TMEM131L: variants seen among roughly 807,000 people sequenced by gnomAD.
The protein encoded by TMEM131L is transmembrane 131 like.
A neutral mutation model predicts 192.2 loss-of-function variants in TMEM131L; 54 were observed. The observed-to-expected ratio is 0.28, with a 90% confidence interval of 0.23 to 0.35. The LOEUF (loss-of-function observed/expected upper bound fraction) is 0.35. TMEM131L is among the 10% of genes least tolerant of loss of function. The pLI is 1.00. For missense variants in TMEM131L, 1,888 were observed against 1,972.9 expected (o/e 0.96, Z 0.82); for synonymous variants, 701 against 704.9 (o/e 0.99, Z 0.09).
chr4:153,518,637 C>G (rs1226191957), intron 3 of TMEM131L, among the ~76,000 whole-genome samples: 1 of 152,146 alleles, frequency 6.6e-6, no homozygotes, highest in African/African-American at 2.4e-5. Context: ...ATGGGAACAT[C>G]AGGCCAATTA....
chr4:153,604,116 A>G lies in TMEM131L; in HGVS notation c.3104A>G (p.Tyr1035Cys), dbSNP rs760356769. The G allele has an allele frequency of 6.2e-7, 1 of 1,614,222 alleles. No individual in the cohort carries two copies. The highest frequency in any genetic ancestry group is 8.5e-7 in the Non-Finnish European group (1 of 1,180,038). Reference sequence around the variant, plus strand: ...CGTGAGAACTGGATCAGCCTCAGATATGCAAGTGGCATAAATGTCAACCTG... The same window carrying G: ...CGTGAGAACTGGATCAGCCTCAGATGTGCAAGTGGCATAAATGTCAACCTG... ...AMRENWISLRYASGINVNLQK... is the reference protein window; with the variant it reads ...AMRENWISLRCASGINVNLQK... The change falls in exon 25 of 35, where the codon TAT becomes TGT. Residue 1035 changes from tyrosine (Y) to cysteine (C), a missense_variant. Tyr to Cys is a radical substitution (Grantham distance 194). Transcript: ENST00000409959.
chr4:153,488,583 G>A (rs1044757077), intron 3 of TMEM131L, among the ~76,000 whole-genome samples: 1 of 152,250 alleles, frequency 6.6e-6, no homozygotes. Flanking sequence ...GATTCCCTGC[G>A]GCTCTGTTGT....
At chr4:153,549,320 A>G (rs1291206713) in intron 3 of TMEM131L, among the ~76,000 whole-genome samples, 1 of 152,186 alleles carries the variant, frequency 6.6e-6, no homozygotes, top group Non-Finnish European at 1.5e-5. Flanking sequence ...AGTTGTTCGT[A>G]TTACCTTTAG....
At chr4:153,562,205 T>C (rs1325277687) in intron 7 of TMEM131L, among the ~76,000 whole-genome samples, 1 of 151,934 alleles carries the variant, frequency 6.6e-6, no homozygotes, top group Non-Finnish European at 1.5e-5. Flanking sequence ...GCCCAGCTAA[T>C]TTTTGTATTT....
rs191332489 is a variant in TMEM131L, at chr4:153,597,955, A to T, written c.2124-635A>T. Among the ~76,000 whole-genome samples the T allele has an allele frequency of 5.1e-4, 78 of 151,942 alleles. 1 individual carries two copies. The highest frequency in any genetic ancestry group is 7.5e-4 in the Non-Finnish European group (51 of 67,950). The stretch of plus-strand genomic sequence containing the variant: ...CTCCTAGGTAAATAAATAAAAATTT[A>T]AAAAAAAATAATTTCCACCTTTTTG... On this transcript the variant is annotated intron_variant, in intron 20 of 34. Transcript: ENST00000409959.
chr4:153,474,990 A>AT (rs561410312), intron 3 of TMEM131L, among the ~76,000 whole-genome samples: 4,984 of 152,056 alleles, frequency 0.033, 280 homozygotes, highest in African/African-American at 0.11. Flanking sequence ...ACGCTTCCAG[A>AT]CCCCCAGGGT....
intron 29 of TMEM131L, among the ~76,000 whole-genome samples, chr4:153,625,557 T>C (rs184977711): frequency 2.0e-5 from 3 of 152,198 alleles, no homozygotes; most frequent in Non-Finnish European, 4.4e-5. Flanking sequence ...AGTAGGGAAA[T>C]GTCCCCAGTG....
At chr4:153,469,067 T>C (rs2149705128) in intron 2 of TMEM131L, among the ~76,000 whole-genome samples, 1 of 152,320 alleles carries the variant, frequency 6.6e-6, no homozygotes, top group Non-Finnish European at 1.5e-5. Flanking sequence ...TCAAAAGTTA[T>C]TTTATACAAT....
intron 3 of TMEM131L, among the ~76,000 whole-genome samples, chr4:153,531,028 A>G (rs536326240): frequency 9.2e-5 from 14 of 152,220 alleles, no homozygotes; most frequent in Non-Finnish European, 1.6e-4. Flanking sequence ...AGGCTGAAGA[A>G]TTTTATAATG....
intron 3 of TMEM131L, among the ~76,000 whole-genome samples, chr4:153,514,343 C>T (rs1274608971): frequency 1.3e-5 from 2 of 152,156 alleles, no homozygotes; most frequent in African/African-American, 4.8e-5. Context: ...TCTTGGATCT[C>T]AATTGCTTTT....
Position 153,564,176 on chromosome 4 carries a change from C to A in TMEM131L, c.660+5808C>A, listed in dbSNP as rs191389681. Among the ~76,000 whole-genome samples the A allele has an allele frequency of 1.7e-4, 25 of 150,336 alleles. No individual in the cohort carries two copies. In the East Asian group the frequency reaches 4.3e-3, roughly 26 times the overall value. On this transcript the variant is annotated intron_variant, in intron 7 of 34. Transcript: ENST00000409959. ...TGGTGATGCATGCCTGTAATCCTAG[C>A]TACTGGGGAGGGTGAGGCAGGAGAA...
intron 31 of TMEM131L, among the ~76,000 whole-genome samples, chr4:153,631,458 TCAGA>T (rs112495700): frequency 0.077 from 11,681 of 152,120 alleles, 1,167 homozygotes; most frequent in African/African-American, 0.23. Flanking sequence ...TAGGGGTGAC[TCAGA>T]CAGCCCTAGA....
At chr4:153,530,797 C>A (rs1188811886) in intron 3 of TMEM131L, among the ~76,000 whole-genome samples, 1 of 152,116 alleles carries the variant, frequency 6.6e-6, no homozygotes, top group Non-Finnish European at 1.5e-5. Flanking sequence ...CTCAGTAGTT[C>A]CAAGATAGCT....
intron 34 of TMEM131L, 103 bp downstream of exon 34, chr4:153,635,674 C>A: frequency 7.7e-7 from 1 of 1,297,308 alleles, no homozygotes. Flanking sequence ...TGGGTTTGGA[C>A]CAGCCAAAGC....
At chr4:153,482,095 C>T (rs1351676585) in intron 3 of TMEM131L, among the ~76,000 whole-genome samples, 4 of 151,688 alleles carry the variant, frequency 2.6e-5, no homozygotes, top group African/African-American at 4.8e-5. Flanking sequence ...CTGCCTGCCT[C>T]GGCCTCCCAA....
Position 153,555,715 on chromosome 4 carries a change from A to ACC in TMEM131L, c.309-72_309-71insCC. ...AAAAATCTGTGTGTATATATATAAT[A>ACC]ATACATATATATGTATGGTAATATT... On this transcript the variant is annotated intron_variant, in intron 4 of 34. Coordinates refer to ENST00000409959, the MANE Select transcript of TMEM131L (RefSeq NM_001131007.2). This position sits in a 1 kb window ranked among gnomAD's most constrained non-coding sequence, Gnocchi z 4.1. 1.6e-6 allele frequency: 2 copies of ACC among 1,247,612 alleles called. No individual in the cohort carries two copies. The highest frequency in any genetic ancestry group is 2.2e-6 in the Non-Finnish European group (2 of 901,604). 77.3% of individuals were successfully genotyped at this position (1,247,612 alleles called of 1,614,324 possible).
intron 3 of TMEM131L, among the ~76,000 whole-genome samples, chr4:153,529,483 T>C (rs886695890): frequency 6.6e-5 from 10 of 152,196 alleles, no homozygotes; most frequent in Non-Finnish European, 1.2e-4. Flanking sequence ...AGTGGACTCT[T>C]TATTTAGAAA....
intron 3 of TMEM131L, among the ~76,000 whole-genome samples, chr4:153,494,004 A>T (rs1732983618): frequency 1.3e-5 from 2 of 151,836 alleles, no homozygotes; most frequent in Admixed American, 1.3e-4. Flanking sequence ...TTTTTTAATG[A>T]GTTGTGTCTG....
chr4:153,614,852 T>C (rs1732865593), intron 26 of TMEM131L, among the ~76,000 whole-genome samples: 1 of 152,180 alleles, frequency 6.6e-6, no homozygotes, highest in Non-Finnish European at 1.5e-5. Flanking sequence ...GGAAAGTAGA[T>C]AAGAGACATT....
Sources: allele counts gnomAD v4.1 joint callset (sites outside exome capture counted in the v4.1 genomes callset), GRCh38; gene constraint gnomAD v4.1.1; non-coding constraint Gnocchi (gnomAD v3.1); transcripts MANE v1.5; gene names NCBI Gene and HGNC (gene_info 2026-07-23, HGNC 2026-07-21).